Variants in PPP1R16B observed in about 807,000 individuals in gnomAD.
PPP1R16B encodes the protein protein phosphatase 1 regulatory subunit 16B.
Under a neutral mutation model 61.7 loss-of-function variants are expected in PPP1R16B, and 14 were observed. That is an observed-to-expected ratio of 0.23 (90% CI 0.15 to 0.35). The LOEUF (loss-of-function observed/expected upper bound fraction) is 0.35. Among genes scored for constraint, PPP1R16B ranks in the 10% least tolerant of loss-of-function variants. The pLI is 1.00. For synonymous variants in PPP1R16B, 266 were observed against 305.3 expected, an observed-to-expected ratio of 0.87 and a Z score of 1.34; for missense variants, 547 against 752.5, an observed-to-expected ratio of 0.73 and a Z score of 3.19.
chr20:38,877,501 G>A (rs2085175895), intron 2 of PPP1R16B, among the ~76,000 whole-genome samples: 1 of 151,856 alleles, frequency 6.6e-6, no homozygotes, highest in African/African-American at 2.4e-5. Flanking sequence ...TAGTAGAGAT[G>A]GGGTTTCACC....
chr20:38,868,246 G>A (rs893855067), intron 2 of PPP1R16B, among the ~76,000 whole-genome samples: 1 of 152,042 alleles, frequency 6.6e-6, no homozygotes, highest in Non-Finnish European at 1.5e-5. Context: ...CCACTCCTGC[G>A]TTTCACCTCA....
chr20:38,856,696 A>C (rs1250789893), intron 2 of PPP1R16B, among the ~76,000 whole-genome samples: 1 of 152,098 alleles, frequency 6.6e-6, no homozygotes, highest in Non-Finnish European at 1.5e-5. Flanking sequence ...CTATGCATCA[A>C]CTCATTGCAT....
intron 1 of PPP1R16B, among the ~76,000 whole-genome samples, chr20:38,810,761 T>G (rs150878104): frequency 3.9e-4 from 60 of 152,294 alleles, no homozygotes; most frequent in Middle Eastern, 6.8e-3. Context: ...ATGAATGCAC[T>G]TATCCCCCAC....
At chr20:38,831,419 G>A (rs1389233158) in intron 1 of PPP1R16B, among the ~76,000 whole-genome samples, 7 of 152,276 alleles carry the variant, frequency 4.6e-5, no homozygotes, top group Non-Finnish European at 7.3e-5. Context: ...CCTGCTGTGT[G>A]TTGGGGAGAC....
intron 1 of PPP1R16B, among the ~76,000 whole-genome samples, chr20:38,819,159 C>A (rs2084757816): frequency 6.6e-6 from 1 of 152,214 alleles, no homozygotes; most frequent in South Asian, 2.1e-4. Context: ...TTGAATCCCA[C>A]CCCTATTGCT....
intron 1 of PPP1R16B, among the ~76,000 whole-genome samples, chr20:38,829,764 A>G (rs1386972611): frequency 6.6e-6 from 1 of 152,216 alleles, no homozygotes; most frequent in East Asian, 1.9e-4. Context: ...TTGCAGCACC[A>G]TGGCAGTTCT....
intron 6 of PPP1R16B, among the ~76,000 whole-genome samples, chr20:38,903,599 A>T (rs375033752): frequency 6.7e-6 from 1 of 149,342 alleles, no homozygotes; most frequent in African/African-American, 2.5e-5. Context: ...CCATCCATCC[A>T]TCCATCCATC....
intron 5 of PPP1R16B, among the ~76,000 whole-genome samples, chr20:38,902,057 G>A (rs2085398740): frequency 1.3e-5 from 2 of 152,210 alleles, no homozygotes; most frequent in South Asian, 4.1e-4. Context: ...TACGGAGCAT[G>A]TCATCCTCTC....
rs1601311757 is a variant in PPP1R16B, at chr20:38,908,062, A to G, written c.1063A>G (p.Thr355Ala). 1 of 1,614,218 alleles carries G rather than the reference A, an allele frequency of 6.2e-7. No homozygotes were observed. The highest frequency in any genetic ancestry group is 8.5e-7 in the Non-Finnish European group (1 of 1,180,034). ...GCGGCGAGCCAGCCTGTCGGACAGGACCAACCTGTATAGGAAGGAGTATGA... is the reference window on the plus strand; with the variant it reads ...GCGGCGAGCCAGCCTGTCGGACAGGGCCAACCTGTATAGGAAGGAGTATGA... Reference protein sequence around the residue: ...VVRRASLSDRTNLYRKEYEGE... With the variant: ...VVRRASLSDRANLYRKEYEGE... The change falls in exon 10 of 11, where the codon ACC becomes GCC. Residue 355 changes from threonine (T) to alanine (A), a missense_variant. Physicochemically the swap from Thr to Ala is moderately conservative, Grantham distance 58 (BLOSUM62 0). Transcript: ENST00000299824.
At chr20:38,883,106 C>A (rs539733017) in intron 2 of PPP1R16B, among the ~76,000 whole-genome samples, 1 of 152,256 alleles carries the variant, frequency 6.6e-6, no homozygotes, top group South Asian at 2.1e-4. Context: ...GGAGGGCAGG[C>A]CTTGTGAGTG....
At chr20:38,909,654 A>C (rs2085473365) in intron 10 of PPP1R16B, among the ~76,000 whole-genome samples, 1 of 152,220 alleles carries the variant, frequency 6.6e-6, no homozygotes, top group African/African-American at 2.4e-5. Context: ...TGGTGGGATG[A>C]AATTGATTAG....
intron 2 of PPP1R16B, among the ~76,000 whole-genome samples, chr20:38,855,953 G>T (rs1461162819): frequency 2.6e-4 from 20 of 75,802 alleles, no homozygotes; most frequent in East Asian, 8.3e-4. Flanking sequence ...TAGAGAGAGA[G>T]AGAGAGAGAG....
chr20:38,910,473 G>A (rs75018231), intron 10 of PPP1R16B, among the ~76,000 whole-genome samples: 1,560 of 151,386 alleles, frequency 0.01, 29 homozygotes, highest in African/African-American at 0.036. Context: ...AGTTTCTTTC[G>A]TGTCTGGCTT....
chr20:38,845,402 G>A (rs1015101830), intron 2 of PPP1R16B, among the ~76,000 whole-genome samples: 10 of 152,150 alleles, frequency 6.6e-5, no homozygotes, highest in Admixed American at 3.9e-4. Flanking sequence ...AGCTGTGATG[G>A]TGCCACTATA....
chr20:38,874,960 A>T (rs879933352), intron 2 of PPP1R16B, among the ~76,000 whole-genome samples: 1 of 152,122 alleles, frequency 6.6e-6, no homozygotes, highest in Non-Finnish European at 1.5e-5. Flanking sequence ...CACATGCTAG[A>T]CTCAGGGCTG....
At chr20:38,814,609 G>A (rs1483307234) in intron 1 of PPP1R16B, among the ~76,000 whole-genome samples, 1 of 152,134 alleles carries the variant, frequency 6.6e-6, no homozygotes, top group African/African-American at 2.4e-5. Context: ...GTCCCTAGGA[G>A]TATTCAGGAG....
At chr20:38,811,728 C>G (rs564725808) in intron 1 of PPP1R16B, among the ~76,000 whole-genome samples, 3 of 152,164 alleles carry the variant, frequency 2.0e-5, no homozygotes, top group African/African-American at 4.8e-5. Flanking sequence ...GTTGTTACAA[C>G]TTTTCGGGGG....
At chr20:38,900,731 A>C in intron 5 of PPP1R16B, 47 bp downstream of exon 5, 1 of 1,419,990 alleles carries the variant, frequency 7.0e-7, no homozygotes, top group African/African-American at 1.5e-5. Flanking sequence ...ACAGAGTTGC[A>C]GAGAGCGTCC....
At chr20:38,896,201 C>A (rs2085347684) in intron 4 of PPP1R16B, among the ~76,000 whole-genome samples, 1 of 129,604 alleles carries the variant, frequency 7.7e-6, no homozygotes, top group Non-Finnish European at 1.6e-5. Flanking sequence ...CTTCTTTCTT[C>A]CCTCCCTCTC....
Sources: gnomAD v4.1 joint callset for allele counts (sites outside exome capture counted in the v4.1 genomes callset) on GRCh38, gnomAD v4.1.1 for gene constraint, MANE v1.5 for transcripts, NCBI Gene and HGNC (gene_info 2026-07-23, HGNC 2026-07-21) for gene names.